The following E2F3 variants were observed in gnomAD, a reference collection of about 807,000 sequenced individuals.
E2F3 encodes E2F transcription factor 3, also known as transcription factor E2F3.
Under a neutral mutation model 44.4 loss-of-function variants are expected in E2F3, and 11 were observed. The ratio of observed to expected loss-of-function variants is 0.25; its 90% CI spans 0.16 to 0.41. The LOEUF is 0.41. Among genes scored for constraint, E2F3 ranks in the 10% least tolerant of loss-of-function variants. The pLI is 1.00. For synonymous variants in E2F3, 249 were observed against 253.0 expected (o/e 0.98, Z 0.15); for missense variants, 487 against 583.6 (o/e 0.83, Z 1.70).
intron 1 of E2F3, among the ~76,000 whole-genome samples, chr6:20,436,056 C>A (rs754501548): frequency 6.6e-6 from 1 of 150,628 alleles, no homozygotes; most frequent in East Asian, 2.0e-4. Flanking sequence ...TCTCAGCTCA[C>A]TGCAACCTCC....
chr6:20,481,081 C>T, intron 2 of E2F3, 125 bp from the exon 3 acceptor site: 1 of 855,096 alleles, frequency 1.2e-6, no homozygotes. Flanking sequence ...GCAACGACAG[C>T]CTTGCTTCAG....
intron 4 of E2F3, among the ~76,000 whole-genome samples, chr6:20,484,767 T>C (rs1475246332): frequency 1.3e-5 from 2 of 152,136 alleles, no homozygotes; most frequent in East Asian, 3.8e-4. Flanking sequence ...GGAGTAGTAG[T>C]TCCATAGCTG....
At chr6:20,454,379 T>C (rs146734403) in intron 1 of E2F3, among the ~76,000 whole-genome samples, 366 of 152,340 alleles carry the variant, frequency 2.4e-3, no homozygotes, top group Non-Finnish European at 4.5e-3. Flanking sequence ...CCTATAGCAC[T>C]GCCTTGTGGG....
intron 1 of E2F3, among the ~76,000 whole-genome samples, chr6:20,406,634 G>C (rs1759502797): frequency 6.6e-6 from 1 of 152,150 alleles, no homozygotes; most frequent in South Asian, 2.1e-4. Flanking sequence ...TAGAGATAGT[G>C]GTGTTGAACT....
intron 1 of E2F3, among the ~76,000 whole-genome samples, chr6:20,446,390 G>A (rs994829410): frequency 1.3e-5 from 2 of 152,144 alleles, no homozygotes; most frequent in Non-Finnish European, 2.9e-5. Flanking sequence ...TATTTCACCA[G>A]AAGTTTAGGG....
intron 1 of E2F3, among the ~76,000 whole-genome samples, chr6:20,442,965 C>CT (rs763664958): frequency 3.0e-5 from 1 of 33,826 alleles, no homozygotes; most frequent in Admixed American, 4.2e-4. Flanking sequence ...AGCAAACTGT[C>CT]TCAAAAAAAA....
intron 2 of E2F3, among the ~76,000 whole-genome samples, chr6:20,480,322 C>A (rs1762179257): frequency 6.6e-6 from 1 of 152,218 alleles, no homozygotes; most frequent in South Asian, 2.1e-4. Context: ...TCACCAGTGT[C>A]TGTGCCGACC....
intron 1 of E2F3, among the ~76,000 whole-genome samples, chr6:20,426,271 A>G (rs1329119970): frequency 6.6e-6 from 1 of 152,230 alleles, no homozygotes; most frequent in Middle Eastern, 3.2e-3. Context: ...TGGTGTAAGT[A>G]TAGGGGAATT....
intron 1 of E2F3, among the ~76,000 whole-genome samples, chr6:20,429,801 G>A (rs914133097): frequency 9.9e-5 from 15 of 151,770 alleles, no homozygotes; most frequent in African/African-American, 3.1e-4. Context: ...AATAAAATGT[G>A]TGCTTACTAC....
intron 1 of E2F3, among the ~76,000 whole-genome samples, chr6:20,406,750 T>A (rs1759507145): frequency 6.6e-6 from 1 of 152,164 alleles, no homozygotes; most frequent in African/African-American, 2.4e-5. Context: ...AACTTTTGGG[T>A]GCAGTTTATG....
At chr6:20,467,752 T>A (rs1761760494) in intron 1 of E2F3, among the ~76,000 whole-genome samples, 1 of 152,220 alleles carries the variant, frequency 6.6e-6, no homozygotes, top group Admixed American at 6.5e-5. Flanking sequence ...TTGCATATTT[T>A]GTTTTTTTCT....
At chr6:20,467,860 C>T (rs1206171462) in intron 1 of E2F3, among the ~76,000 whole-genome samples, 1 of 150,164 alleles carries the variant, frequency 6.7e-6, no homozygotes, top group Non-Finnish European at 1.5e-5. Context: ...CCTTTAGTGA[C>T]TGATGCCACT....
intron 1 of E2F3, among the ~76,000 whole-genome samples, chr6:20,472,025 AACACACACACACACACACACACACAC>A (rs57925127): frequency 4.3e-5 from 6 of 138,358 alleles, no homozygotes; most frequent in Non-Finnish European, 9.3e-5. Flanking sequence ...CCCCCCCTCC[AACACACACACACACACACACACACAC>A]ACACACACAC....
chr6:20,413,799 C>A (rs868576123), intron 1 of E2F3, among the ~76,000 whole-genome samples: 1 of 151,982 alleles, frequency 6.6e-6, no homozygotes, highest in African/African-American at 2.4e-5. Context: ...AGAGTACGGG[C>A]GCTATTGAGT....
intron 2 of E2F3, 141 bp from the exon 3 acceptor site, chr6:20,481,065 C>G (rs1250409322): frequency 1.3e-6 from 1 of 751,582 alleles, no homozygotes; most frequent in African/African-American, 1.8e-5. Context: ...CTTGCCAACA[C>G]CAACAGCAAC....
intron 1 of E2F3, among the ~76,000 whole-genome samples, chr6:20,423,366 A>G (rs569952112): frequency 2.7e-4 from 41 of 150,194 alleles, no homozygotes; most frequent in Admixed American, 4.7e-4. Context: ...ACATAGCAAC[A>G]GTATAGTAAA....
intron 1 of E2F3, among the ~76,000 whole-genome samples, chr6:20,436,851 G>A (rs1437317733): frequency 6.6e-6 from 1 of 152,194 alleles, no homozygotes; most frequent in Non-Finnish European, 1.5e-5. Context: ...CAGGTGCAGA[G>A]GCTCATACCT....
In E2F3 at chr6:20,402,240, A is replaced by T; in HGVS notation, c.8A>T (p.Lys3Met). 11 of 1,591,046 alleles carry T rather than the reference A, an allele frequency of 6.9e-6. No homozygotes were observed. Among genetic ancestry groups the T allele is most frequent in the Non-Finnish European group, 9.4e-6 (11 of 1,173,970 alleles). MR[K>M]GIQPALEQYL... ...AAAGAGCAGGAGCGAGAGATGAGAA[A>T]GGGAATCCAGCCCGCTCTGGAGCAG... The change falls in exon 1 of 7, where the codon AAG becomes ATG. Residue 3 changes from lysine (K) to methionine (M), a missense_variant. Physicochemically the swap from Lys to Met is moderately conservative, Grantham distance 95. Around this residue, in one of 3 missense-constraint regions of E2F3, gnomAD observed 238 missense variants for 236.0 expected, o/e 1.01. Transcript: ENST00000346618. This position sits in a 1 kb window ranked among gnomAD's most constrained non-coding sequence, Gnocchi z 5.6.
chr6:20,470,669 C>T (rs1052398561), intron 1 of E2F3, among the ~76,000 whole-genome samples: 9 of 152,180 alleles, frequency 5.9e-5, no homozygotes, highest in Non-Finnish European at 1.3e-4. Flanking sequence ...CAAAAGGTAT[C>T]ATCTATCAAG....
Sources: gnomAD v4.1 joint callset for allele counts (sites outside exome capture counted in the v4.1 genomes callset) on GRCh38, gnomAD v4.1.1 for gene constraint, gnomAD v4.1.1 regional missense constraint, Gnocchi (gnomAD v3.1) non-coding constraint, MANE v1.5 for transcripts, NCBI Gene and HGNC (gene_info 2026-07-23, HGNC 2026-07-21) for gene names.